PLIN2: variants seen among roughly 807,000 people sequenced by gnomAD.
PLIN2 encodes the protein perilipin 2, also known as perilipin-2.
Under a neutral mutation model 30.6 loss-of-function variants are expected in PLIN2, and 33 were observed. That is an observed-to-expected ratio of 1.08 (90% CI 0.82 to 1.44). The LOEUF (loss-of-function observed/expected upper bound fraction) is 1.44. PLIN2 is among the 40% of genes most tolerant of loss of function. The pLI, the probability that PLIN2 is intolerant of heterozygous loss-of-function variation, is 0.00. For missense variants in PLIN2, 610 were observed against 531.8 expected, an observed-to-expected ratio of 1.15 and a Z score of -1.45; for synonymous variants, 205 against 201.1, an observed-to-expected ratio of 1.02 and a Z score of -0.16.
At chr9:19,117,937 C>T (rs571759042) in intron 7 of PLIN2, among the ~76,000 whole-genome samples, 72 of 152,108 alleles carry the variant, frequency 4.7e-4, no homozygotes, top group Non-Finnish European at 9.6e-4. Flanking sequence ...GTATTTATGC[C>T]GTTAAACAAC....
intron 3 of PLIN2, among the ~76,000 whole-genome samples, chr9:19,125,044 TA>T (rs1246943052): frequency 6.6e-6 from 1 of 152,170 alleles, no homozygotes; most frequent in Non-Finnish European, 1.5e-5. Flanking sequence ...AAAGACAAAG[TA>T]GATGAGTAGC....
At chr9:19,113,869 G>C (rs954590797), downstream of PLIN2, among the ~76,000 whole-genome samples, 1 of 151,308 alleles carries the variant, frequency 6.6e-6, no homozygotes, top group African/African-American at 2.4e-5. Context: ...CCACCTCCCG[G>C]GTTCAAACGA....
At chr9:19,111,082 G>A (rs994017518), downstream of PLIN2, among the ~76,000 whole-genome samples, 50 of 151,012 alleles carry the variant, frequency 3.3e-4, no homozygotes, top group African/African-American at 1.2e-3. Flanking sequence ...TTTTGAGACG[G>A]AGTCTCGCTC....
downstream of PLIN2, among the ~76,000 whole-genome samples, chr9:19,113,056 T>C (rs1588640114): frequency 6.6e-6 from 1 of 151,940 alleles, no homozygotes; most frequent in Non-Finnish European, 1.5e-5. Context: ...TAAGAAAGCA[T>C]GTGTGGCCAG....
chr9:19,126,691 A>G (rs923999532), intron 1 of PLIN2, among the ~76,000 whole-genome samples: 1 of 152,206 alleles, frequency 6.6e-6, no homozygotes, highest in African/African-American at 2.4e-5. Flanking sequence ...AATACTCAGG[A>G]GGGAGAAGTA....
chr9:19,125,978 G>C (rs1818390387), intron 3 of PLIN2, 136 bp downstream of exon 3: 1 of 641,268 alleles, frequency 1.6e-6, no homozygotes, highest in South Asian at 2.0e-5. Context: ...CGGTAATGAG[G>C]GTCACCTGAA....
downstream of PLIN2, among the ~76,000 whole-genome samples, chr9:19,113,309 G>A (rs1345091035): frequency 6.6e-6 from 1 of 151,848 alleles, no homozygotes; most frequent in Non-Finnish European, 1.5e-5. Flanking sequence ...ACTCCAGCCT[G>A]GACAACAGAG....
chr9:19,122,069 A>T (rs919646211), intron 4 of PLIN2, among the ~76,000 whole-genome samples: 4 of 133,648 alleles, frequency 3.0e-5, no homozygotes, highest in Non-Finnish European at 6.2e-5. Flanking sequence ...AGATTGTGCC[A>T]CTGCACTCCA....
downstream of PLIN2, among the ~76,000 whole-genome samples, chr9:19,110,883 G>T (rs1057160991): frequency 1.3e-5 from 2 of 152,130 alleles, no homozygotes; most frequent in Non-Finnish European, 2.9e-5. Context: ...TCCCTTGTGA[G>T]ATTCAAAGCC....
chr9:19,116,344 A>T lies in PLIN2; in HGVS notation c.1218T>A (p.Tyr406Ter). 1 of 1,614,154 alleles carries T rather than the reference A, an allele frequency of 6.2e-7. No individual in the cohort carries two copies. Among genetic ancestry groups the T allele is most frequent in the Admixed American group, 1.7e-5 (1 of 60,006 alleles). ...CATTCTGAGACTCAGTCAGCTGAGG[A>T]TAAAAGGGACCTACCAGCCAGTTGA... Reference protein sequence around the residue: ...TPLNWLVGPFYPQLTESQNAQ... With the variant: ...TPLNWLVGPF Residue 406 changes from tyrosine (Y) to a stop codon, truncating the protein, a stop_gained, in exon 8 of 8, where the codon TAT becomes TAA. Coordinates refer to ENST00000276914, the MANE Select transcript of PLIN2 (RefSeq NM_001122.4). LOFTEE classifies it low-confidence loss of function (END_TRUNC).
intron 5 of PLIN2, 144 bp downstream of exon 5, chr9:19,120,736 G>A: frequency 1.6e-6 from 1 of 637,714 alleles, no homozygotes. Context: ...GGATCTTTTG[G>A]GGTAGCAGAA....
At chr9:19,117,587 C>T (rs1818247657) in intron 7 of PLIN2, among the ~76,000 whole-genome samples, 1 of 151,700 alleles carries the variant, frequency 6.6e-6, no homozygotes, top group Non-Finnish European at 1.5e-5. Context: ...ACCCCCACTC[C>T]AAGGCTGCCT....
At chr9:19,115,364 G>C (rs2131175196), downstream of PLIN2, among the ~76,000 whole-genome samples, 1 of 149,586 alleles carries the variant, frequency 6.7e-6, no homozygotes, top group East Asian at 2.0e-4. Context: ...CCAGAGCGCA[G>C]TGGCGCTATC....
intron 2 of PLIN2, among the ~76,000 whole-genome samples, chr9:19,109,976 C>G (rs1818137966): frequency 6.6e-6 from 1 of 151,684 alleles, no homozygotes; most frequent in African/African-American, 2.4e-5. Context: ...AAAAAAATCC[C>G]TCAAAAAATA....
rs764293708 is a variant in PLIN2, at chr9:19,120,884, T to A, written c.591A>T (p.Glu197Asp). 5.0e-6 allele frequency: 8 copies of A among 1,612,320 alleles called. No homozygotes were observed. Among genetic ancestry groups the A allele is most frequent in the Non-Finnish European group, 5.1e-6 (6 of 1,178,426 alleles). The part of the protein sequence containing the change: ...VEQYLPLTEE[E>D]LEKEAKKVEG... ...TCAAGATAAAATTCCAGTTACCTAG[T>A]TCTTCCTCAGTGAGAGGGAGGTACT... Residue 197 changes from glutamate to aspartate, a missense_variant, in exon 5 of 8, where the codon GAA becomes GAT. Glu to Asp is a conservative substitution (Grantham distance 45). Transcript: ENST00000276914.
chr9:19,109,620 G>A (rs569951922), intron 2 of PLIN2, among the ~76,000 whole-genome samples: 1 of 150,084 alleles, frequency 6.7e-6, no homozygotes, highest in South Asian at 2.2e-4. Flanking sequence ...TGATAGTGGA[G>A]GAAAAAATGT....
At position 19,119,179 on chromosome 9, in the gene PLIN2, T is replaced by C. The variant is rs78300108; in HGVS notation, c.777+471A>G. 2.4e-3 allele frequency among the ~76,000 whole-genome samples: 372 copies of C among 152,374 alleles called. 1 individual carries two copies. The highest frequency in any genetic ancestry group is 8.7e-3 in the African/African-American group (360 of 41,586). ...TTGGAAACCTTTAATGGCTACACAG[T>C]AGTCTATTGTGATATATCAATTTAA... On this transcript the variant is annotated intron_variant, in intron 6 of 7. Coordinates refer to ENST00000276914, the MANE Select transcript of PLIN2 (RefSeq NM_001122.4).
At chr9:19,115,682 T>C (rs1818210656), downstream of PLIN2, 1 of 152,270 alleles carries the variant, frequency 6.6e-6, no homozygotes, top group African/African-American at 2.4e-5. Flanking sequence ...TTGAAATTCA[T>C]GTATGTATAA....
chr9:19,112,088 C>T (rs1200217255), downstream of PLIN2, among the ~76,000 whole-genome samples: 2 of 152,218 alleles, frequency 1.3e-5, no homozygotes, highest in Non-Finnish European at 2.9e-5. Context: ...ACACTCACTT[C>T]CATCTGTTGA....
Sources: allele counts gnomAD v4.1 joint callset (sites outside exome capture counted in the v4.1 genomes callset), GRCh38; gene constraint gnomAD v4.1.1; transcripts MANE v1.5; gene names NCBI Gene and HGNC (gene_info 2026-07-23, HGNC 2026-07-21).